The following FAM135B variants were observed in gnomAD, a reference collection of about 807,000 sequenced individuals.
The protein encoded by FAM135B is family with sequence similarity 135 member B, also known as protein FAM135B.
FAM135B carries 43 observed loss-of-function variants against 127.7 expected under a neutral mutation model. The observed-to-expected ratio is 0.34, with a 90% CI of 0.26 to 0.43. The LOEUF (loss-of-function observed/expected upper bound fraction) is 0.43, where lower values mean the gene tolerates loss of function less well. Among genes scored for constraint, FAM135B ranks in the 20% least tolerant of loss-of-function variants. The pLI, the probability that FAM135B is intolerant of heterozygous loss-of-function variation, is 1.00. For missense variants in FAM135B, 1,558 were observed against 1,725.6 expected, an observed-to-expected ratio of 0.90 and a Z score of 1.72; for synonymous variants, 670 against 665.1, an observed-to-expected ratio of 1.01 and a Z score of -0.11.
rs200797775 is a variant in FAM135B, at chr8:138,181,899, C to CCTGTTTG, written c.874-3210_874-3209insCAAACAG. 6.9e-3 allele frequency among the ~76,000 whole-genome samples: 1,055 copies of CCTGTTTG among 152,240 alleles called. 10 individuals are homozygous for CCTGTTTG. The highest frequency in any genetic ancestry group is 0.023 in the African/African-American group (972 of 41,550). The stretch of plus-strand genomic sequence containing the variant: ...TGTTGCTGGCTTCACTTCCTACATC[C>CCTGTTTG]CCTGCATTTTGAGCTTCAGCCTTCT... On this transcript the variant is annotated intron_variant, in intron 9 of 19. Coordinates refer to ENST00000395297, the MANE Select transcript of FAM135B (RefSeq NM_015912.4).
chr8:138,179,930 T>G (rs1368572298), intron 9 of FAM135B, among the ~76,000 whole-genome samples: 1 of 152,150 alleles, frequency 6.6e-6, no homozygotes, highest in African/African-American at 2.4e-5. Flanking sequence ...ATCCACCTGC[T>G]TCAGAGTGTT....
At chr8:138,388,359 C>G (rs780477640) in intron 1 of FAM135B, among the ~76,000 whole-genome samples, 11 of 152,188 alleles carry the variant, frequency 7.2e-5, no homozygotes, top group Non-Finnish European at 1.2e-4. Context: ...ATGAAATATA[C>G]TCTTACTATA....
At chr8:138,263,358 C>T (rs1022958425) in intron 4 of FAM135B, among the ~76,000 whole-genome samples, 2 of 151,940 alleles carry the variant, frequency 1.3e-5, no homozygotes, top group Non-Finnish European at 2.9e-5. Context: ...CAGTCTGGAC[C>T]CATTCTCCTC....
intron 7 of FAM135B, among the ~76,000 whole-genome samples, chr8:138,223,748 G>A (rs34217238): frequency 0.016 from 2,511 of 152,238 alleles, 33 homozygotes; most frequent in Non-Finnish European, 0.029. Flanking sequence ...CATGTTCTTC[G>A]CAGCACTATT....
chr8:138,379,691 G>A (rs1285887242), intron 1 of FAM135B, among the ~76,000 whole-genome samples: 1 of 152,078 alleles, frequency 6.6e-6, no homozygotes, highest in African/African-American at 2.4e-5. Context: ...ATCTTCTCTG[G>A]GACCTGAGGG....
At chr8:138,390,307 C>G (rs922755212) in intron 1 of FAM135B, among the ~76,000 whole-genome samples, 6 of 152,106 alleles carry the variant, frequency 3.9e-5, no homozygotes, top group African/African-American at 1.4e-4. Flanking sequence ...TTTCCCCCAG[C>G]TGTTTTCATG....
intron 7 of FAM135B, among the ~76,000 whole-genome samples, chr8:138,217,781 G>T (rs1230707823): frequency 6.6e-6 from 1 of 152,098 alleles, no homozygotes; most frequent in Non-Finnish European, 1.5e-5. Flanking sequence ...CTATGCGTGA[G>T]GCGCTGAGGA....
chr8:138,361,553 C>T (rs1830423779), intron 2 of FAM135B, among the ~76,000 whole-genome samples: 1 of 152,200 alleles, frequency 6.6e-6, no homozygotes, highest in African/African-American at 2.4e-5. Flanking sequence ...CAAAGCCACA[C>T]TTTACATCTC....
chr8:138,375,669 T>C (rs548827767), intron 1 of FAM135B, among the ~76,000 whole-genome samples: 1 of 152,346 alleles, frequency 6.6e-6, no homozygotes, highest in Non-Finnish European at 1.5e-5. Context: ...AATTTTCTTT[T>C]TACTCTCATC....
chr8:138,338,599 G>T lies in FAM135B; in HGVS notation c.78-27679C>A, dbSNP rs1348013797. Among the ~76,000 whole-genome samples, 6 of 150,784 alleles carry T rather than the reference G, an allele frequency of 4.0e-5. No homozygotes were observed. The East Asian group carries it at 9.7e-4, about 24-fold the overall frequency. On this transcript the variant is annotated intron_variant, in intron 2 of 19. Coordinates refer to ENST00000395297, the MANE Select transcript of FAM135B (RefSeq NM_015912.4). ...CAGTTAGAATGGCGATCATTAAAAA[G>T]TCAGGAAACAACAGGTGCTGGAGAG...
chr8:138,429,399 A>G (rs2131498713), intron 1 of FAM135B, among the ~76,000 whole-genome samples: 1 of 152,284 alleles, frequency 6.6e-6, no homozygotes, highest in African/African-American at 2.4e-5. Flanking sequence ...CCTTGTGGCT[A>G]CCACCATTGT....
intron 3 of FAM135B, among the ~76,000 whole-genome samples, chr8:138,288,768 T>C (rs1236795927): frequency 1.3e-5 from 2 of 152,294 alleles, no homozygotes; most frequent in African/African-American, 4.8e-5. Flanking sequence ...ATAATTTTCT[T>C]TTAAGGAGAA....
At chr8:138,233,702 G>A (rs1160391311) in intron 7 of FAM135B, among the ~76,000 whole-genome samples, 2 of 152,056 alleles carry the variant, frequency 1.3e-5, no homozygotes, top group Admixed American at 6.5e-5. Flanking sequence ...GCACTGCAAA[G>A]GAAACAATCA....
At chr8:138,233,753 T>C (rs1333711665) in intron 7 of FAM135B, among the ~76,000 whole-genome samples, 5 of 152,092 alleles carry the variant, frequency 3.3e-5, no homozygotes, top group African/African-American at 9.7e-5. Flanking sequence ...AGAAAAATAT[T>C]TGCAAACCAC....
At chr8:138,226,184 T>TGTGTGTGTGTGTGCGCGC in intron 7 of FAM135B, among the ~76,000 whole-genome samples, 37 of 139,292 alleles carry the variant, frequency 2.7e-4, no homozygotes, top group Middle Eastern at 3.6e-3. Flanking sequence ...TGTGTGTGTG[T>TGTGTGTGTGTGTGCGCGC]GCGCGCATGT....
chr8:138,161,303 T>G (rs1053853635), intron 12 of FAM135B, among the ~76,000 whole-genome samples: 2 of 151,930 alleles, frequency 1.3e-5, no homozygotes, highest in African/African-American at 4.8e-5. Flanking sequence ...GGTAAGCCAT[T>G]ATCTCTCTCA....
At chr8:138,296,522 T>C (rs1402727371) in intron 3 of FAM135B, among the ~76,000 whole-genome samples, 2 of 152,188 alleles carry the variant, frequency 1.3e-5, no homozygotes, top group African/African-American at 4.8e-5. Context: ...ATGAAAATAA[T>C]TTAGTTTATA....
At chr8:138,453,795 C>T (rs1190158185) in intron 1 of FAM135B, among the ~76,000 whole-genome samples, 2 of 152,134 alleles carry the variant, frequency 1.3e-5, no homozygotes, top group Non-Finnish European at 2.9e-5. Context: ...GTGATATTTT[C>T]CAAGTTACTT....
chr8:138,417,645 A>G (rs943125487), intron 1 of FAM135B, among the ~76,000 whole-genome samples: 1 of 152,196 alleles, frequency 6.6e-6, no homozygotes, highest in Non-Finnish European at 1.5e-5. Context: ...GAGGCCAGAG[A>G]GAAAAAATAT....
Sources: gnomAD v4.1 joint callset for allele counts (sites outside exome capture counted in the v4.1 genomes callset) on GRCh38, gnomAD v4.1.1 for gene constraint, MANE v1.5 for transcripts, NCBI Gene and HGNC (gene_info 2026-07-23, HGNC 2026-07-21) for gene names.